Variants in PIEZO1 observed in about 807,000 individuals in gnomAD.
PIEZO1 encodes the protein piezo type mechanosensitive ion channel component 1 (Er blood group).
PIEZO1 carries 296 observed loss-of-function variants against 297.2 expected under a neutral mutation model. The ratio of observed to expected loss-of-function variants is 1.00; its 90% confidence interval spans 0.91 to 1.10. The LOEUF is 1.10. Among genes scored for constraint, PIEZO1 ranks in the 50% least tolerant of loss-of-function variants. The pLI is 0.00. For synonymous variants in PIEZO1, 2,427 were observed against 1,507.5 expected, an observed-to-expected ratio of 1.61 and a Z score of -14.13; for missense variants, 5,018 against 3,455.5, an observed-to-expected ratio of 1.45 and a Z score of -11.34.
At chr16:88,716,781 C>A in intron 46 of PIEZO1, 25 bp downstream of exon 46, 1 of 1,549,584 alleles carries the variant, frequency 6.5e-7, no homozygotes, top group Non-Finnish European at 8.7e-7. Flanking sequence ...CCCACACCAG[C>A]TTTCACAGGG....
rs944652663 is a variant in PIEZO1, at chr16:88,738,655, G to A, written c.547C>T (p.Arg183Trp). 38 of 1,535,610 alleles carry A rather than the reference G, an allele frequency of 2.5e-5. No homozygotes were observed. The highest frequency in any genetic ancestry group is 1.7e-4 in the Middle Eastern group (1 of 6,010). ...AATLAPTRRS[R>W]LAARFRVTAH... is the part of the protein sequence containing the mutation. ...GTGACTCGGAAACGAGCGGCCAGCC[G>A]TGACCTCCGTGTAGGGGCCAGCGTT... is the stretch of plus-strand genomic sequence containing the variant. Residue 183 changes from arginine (R) to tryptophan (W), a missense_variant, in exon 6 of 51, where the codon CGG becomes TGG. Arg to Trp is a moderately radical substitution (Grantham distance 101). Transcript: ENST00000301015.
In PIEZO1 at chr16:88,722,414, A is replaced by G. The variant is rs751445994; in HGVS notation, c.4776-17T>C. ...CCCAGCCCACTGGGGAGGGAAGCCG[A>G]GTCACAGAGAATCCTGCTCTATGGC... On this transcript the variant is annotated splice_polypyrimidine_tract_variant and intron_variant, in intron 35 of 50. Coordinates refer to ENST00000301015, the MANE Select transcript of PIEZO1 (RefSeq NM_001142864.4). The G allele has an allele frequency of 5.2e-5, 77 of 1,484,058 alleles. No individual in the cohort carries two copies. The highest frequency in any genetic ancestry group is 6.7e-5 in the Non-Finnish European group (75 of 1,113,096). The allele number at this position is 1,484,058 out of a possible 1,614,324, so 91.9% of individuals were successfully genotyped here. A position where few individuals can be genotyped will look rare whatever the true frequency, so the allele number is the denominator to read the frequency against.
At chr16:88,774,443 G>T (rs908410361) in intron 1 of PIEZO1, among the ~76,000 whole-genome samples, 1 of 152,216 alleles carries the variant, frequency 6.6e-6, no homozygotes, top group Non-Finnish European at 1.5e-5. Flanking sequence ...ACACCCGTGG[G>T]TGCTGAAGGG....
At chr16:88,766,822 C>T (rs957543637) in intron 1 of PIEZO1, among the ~76,000 whole-genome samples, 2 of 152,256 alleles carry the variant, frequency 1.3e-5, no homozygotes, top group African/African-American at 2.4e-5. Context: ...CTCAGAGCCA[C>T]AGGGACGATC....
chr16:88,724,863 C>G, intron 30 of PIEZO1, 146 bp downstream of exon 30: 1 of 549,544 alleles, frequency 1.8e-6, no homozygotes, highest in African/African-American at 2.0e-5. Context: ...AGTGAGGCAC[C>G]CCCCGACCCA....
Position 88,720,169 on chromosome 16 carries a change from A to G in PIEZO1, c.6064T>C (p.Tyr2022His), listed in dbSNP as rs994413912. 1.3e-5 allele frequency: 20 copies of G among 1,550,376 alleles called. No individual in the cohort carries two copies. Among genetic ancestry groups the G allele is most frequent in the Admixed American group, 3.9e-5 (2 of 50,996 alleles). ...TTGCCCAGCACGGTCTTGCGCAGGTAGAGGGCGCGGTCAACCACCATGGTA... is the reference window on the plus strand; with the variant it reads ...TTGCCCAGCACGGTCTTGCGCAGGTGGAGGGCGCGGTCAACCACCATGGTA... ...FSTMVVDRAL[Y>H]LRKTVLGKLA... Residue 2022 changes from tyrosine (Y) to histidine (H), a missense_variant, in exon 42 of 51, where the codon TAC becomes CAC. Coordinates refer to ENST00000301015, the MANE Select transcript of PIEZO1 (RefSeq NM_001142864.4).
chr16:88,737,338 C>T (rs1031715807), intron 10 of PIEZO1: 9 of 527,586 alleles, frequency 1.7e-5, no homozygotes, highest in South Asian at 1.1e-4. Context: ...CACTCAGCTG[C>T]CCTGGGGGTC....
chr16:88,726,159 G>T, intron 27 of PIEZO1, 125 bp downstream of exon 27: 1 of 744,558 alleles, frequency 1.3e-6, no homozygotes, highest in Non-Finnish European at 2.1e-6. Context: ...TAGATGACAC[G>T]CCCATGTCAC....
intron 1 of PIEZO1, among the ~76,000 whole-genome samples, chr16:88,777,379 T>C (rs1907713785): frequency 6.6e-6 from 1 of 152,166 alleles, no homozygotes. Context: ...TGCAGGGTCC[T>C]CATTGTCACT....
chr16:88,727,005 G>A (rs1318807821), intron 24 of PIEZO1, 34 bp downstream of exon 24: 5 of 1,548,864 alleles, frequency 3.2e-6, no homozygotes, highest in East Asian at 2.4e-5. Flanking sequence ...ACCCCTCCCA[G>A]AAGGTTCCCC....
At chr16:88,777,566 C>T (rs553869888) in intron 1 of PIEZO1, among the ~76,000 whole-genome samples, 2 of 152,376 alleles carry the variant, frequency 1.3e-5, no homozygotes, top group East Asian at 1.9e-4. Context: ...AGTAAATCCC[C>T]GCTGAGGCAG....
Position 88,715,668 on chromosome 16 carries a change from G to A in PIEZO1, c.7503C>T (p.Ala2501=). The A allele has an allele frequency of 1.3e-6, 2 of 1,550,344 alleles. No homozygotes were observed. Among genetic ancestry groups the A allele is most frequent in the Non-Finnish European group, 1.7e-6 (2 of 1,146,954 alleles). The part of the protein sequence containing the change: ...RELELEEELY[A]KLIFLYRSPE... The stretch of plus-strand genomic sequence containing the variant: ...GTGAGCGGTAGAGGAAGATGAGCTT[G>A]GCGTACAACTCCTCCTCCAGCTCCA... The change falls in exon 51 of 51, where the codon GCC becomes GCT. Residue 2501 remains alanine (A), a synonymous_variant. Coordinates refer to ENST00000301015, the MANE Select transcript of PIEZO1 (RefSeq NM_001142864.4).
chr16:88,752,363 TC>T, intron 1 of PIEZO1, among the ~76,000 whole-genome samples: 1 of 152,180 alleles, frequency 6.6e-6, no homozygotes, highest in South Asian at 2.1e-4. Context: ...ATGCCTGTGG[TC>T]CCAGCTACTC....
At position 88,734,373 on chromosome 16, in the gene PIEZO1, G is replaced by T. The variant is rs1038568051; in HGVS notation, c.2163C>A (p.Leu721=). The T allele has an allele frequency of 1.9e-6, 3 of 1,541,416 alleles. No homozygotes were observed. Among genetic ancestry groups the T allele is most frequent in the East Asian group, 2.4e-5 (1 of 40,848 alleles). Residue 721 remains leucine, a synonymous_variant, in exon 16 of 51, where the codon CTC becomes CTA. Transcript: ENST00000301015. ...GGCCGCACCTGTGAGCCCAGCGCGG[G>T]AGGCGCGTGCCAGGCAGGGACACGT... is the stretch of plus-strand genomic sequence containing the variant. ...MEHVSLPGTR[L]PRWAHRQDAV... is the part of the protein sequence containing the mutation.
At chr16:88,773,362 G>A (rs1370380970) in intron 1 of PIEZO1, among the ~76,000 whole-genome samples, 1 of 152,276 alleles carries the variant, frequency 6.6e-6, no homozygotes, top group East Asian at 1.9e-4. Flanking sequence ...CCAGGGAGGA[G>A]GTGGGCAGGG....
In PIEZO1 at chr16:88,719,978, G is replaced by A; in HGVS notation, c.6165-18C>T. On this transcript the variant is annotated intron_variant, in intron 42 of 50. Transcript: ENST00000301015. Reference sequence around the variant, plus strand: ...TGAACATCCTGGGGCGGGATGGCCAGGTCAAGGACCCCATCAGAAACAGCC... The same window carrying A: ...TGAACATCCTGGGGCGGGATGGCCAAGTCAAGGACCCCATCAGAAACAGCC... 6.5e-7 allele frequency: 1 copy of A among 1,549,942 alleles called. No individual in the cohort carries two copies. Among genetic ancestry groups the A allele is most frequent in the Non-Finnish European group, 8.7e-7 (1 of 1,146,686 alleles).
Position 88,785,151 on chromosome 16 carries a change from A to T in PIEZO1, c.-187T>A, listed in dbSNP as rs144435894. On this transcript the variant is annotated 5_prime_UTR_variant, in exon 1 of 51. Coordinates refer to ENST00000301015, the MANE Select transcript of PIEZO1 (RefSeq NM_001142864.4). ...TCCCGGGCCCGCGCTCGCTCAGGCG[A>T]CCGCCCTGCCCCTCGGCGGAGCGCA... 0.054 allele frequency: 16,793 copies of T among 308,160 alleles called. 2,701 individuals carry two copies. The highest frequency in any genetic ancestry group is 0.34 in the African/African-American group (15,356 of 45,320). The allele number at this position is 308,160 out of a possible 1,614,324, so 19.1% of individuals were successfully genotyped here.
At chr16:88,762,786 G>A (rs941223362) in intron 1 of PIEZO1, among the ~76,000 whole-genome samples, 5 of 152,194 alleles carry the variant, frequency 3.3e-5, no homozygotes, top group African/African-American at 1.2e-4. Context: ...GCCTCCCACA[G>A]CTTCAGCCGC....
intron 1 of PIEZO1, among the ~76,000 whole-genome samples, chr16:88,770,263 G>A (rs964112637): frequency 2.6e-5 from 4 of 152,158 alleles, no homozygotes; most frequent in East Asian, 3.9e-4. Context: ...ACGTATCCCC[G>A]AGACCTCTCA....
Sources: gnomAD v4.1 joint callset for allele counts (sites outside exome capture counted in the v4.1 genomes callset) on GRCh38, gnomAD v4.1.1 for gene constraint, MANE v1.5 for transcripts, NCBI Gene and HGNC (gene_info 2026-07-23, HGNC 2026-07-21) for gene names.